PCDHGB2: variants seen among roughly 807,000 people sequenced by gnomAD.
The protein encoded by PCDHGB2 is protocadherin gamma subfamily B, 2.
Under a neutral mutation model 59.3 loss-of-function variants are expected in PCDHGB2, and 55 were observed. That is an observed-to-expected ratio of 0.93 (90% CI 0.75 to 1.16). The LOEUF (loss-of-function observed/expected upper bound fraction) is 1.16. Ranked by LOEUF, PCDHGB2 falls within the 50% of genes most tolerant of loss-of-function variation. PCDHGB2 has a pLI of 0.00. For missense variants in PCDHGB2, 1,228 were observed against 1,198.5 expected (o/e 1.02, Z -0.36); for synonymous variants, 516 against 512.0 (o/e 1.01, Z -0.11).
In PCDHGB2 at chr5:141,362,397, G is replaced by C. The variant is rs778703789; in HGVS notation, c.2262G>C (p.Leu754=). 4.3e-6 allele frequency: 7 copies of C among 1,614,018 alleles called. No homozygotes were observed. The highest frequency in any genetic ancestry group is 5.9e-6 in the Non-Finnish European group (7 of 1,179,910). The change falls in exon 1 of 4, where the codon CTG becomes CTC. Residue 754 remains leucine, a synonymous_variant. Transcript: ENST00000522605. ...SEGTLPYSYN[L]CVASQSAKTE... ...GTACATTGCCCTATTCCTACAACCT[G>C]TGTGTTGCCTCACAATCAGCCAAGA...
chr5:141,415,605 G>GGT, intron 1 of PCDHGB2: 1 of 1,613,122 alleles, frequency 6.2e-7, no homozygotes. Context: ...ATACCCCATT[G>GGT]GTTCCAGTGA....
At chr5:141,377,605 C>T (rs572021306) in intron 1 of PCDHGB2, 1 of 140,680 alleles carries the variant, frequency 7.1e-6, no homozygotes, top group Admixed American at 7.1e-5. Context: ...CTCTCTCTCT[C>T]AAAAAAAAAA....
chr5:141,389,628 C>T (rs2091851910), intron 1 of PCDHGB2: 1 of 1,613,000 alleles, frequency 6.2e-7, no homozygotes, highest in Non-Finnish European at 8.5e-7. Context: ...CGCTGCAGAG[C>T]CTGGCTACTT....
At chr5:141,510,900 G>A in intron 3 of PCDHGB2, 47 bp from the exon 4 acceptor site, 6 of 1,613,378 alleles carry the variant, frequency 3.7e-6, no homozygotes, top group Non-Finnish European at 5.1e-6. Context: ...AGTGACTGTT[G>A]AGGACCCTAA....
At chr5:141,461,278 C>T (rs2099012353) in intron 1 of PCDHGB2, among the ~76,000 whole-genome samples, 1 of 152,086 alleles carries the variant, frequency 6.6e-6, no homozygotes, top group South Asian at 2.1e-4. Context: ...GTTCTCTTTT[C>T]CCCACATCCA....
At chr5:141,374,094 C>T (rs544125570) in intron 1 of PCDHGB2, 19 of 1,555,744 alleles carry the variant, frequency 1.2e-5, no homozygotes, top group Non-Finnish European at 1.7e-5. Flanking sequence ...ATGGCGCCTC[C>T]GCAGAGGCAT....
At chr5:141,394,430 C>T (rs2150569215) in intron 1 of PCDHGB2, 1 of 1,614,244 alleles carries the variant, frequency 6.2e-7, no homozygotes, top group African/African-American at 1.3e-5. Context: ...ACAGCGGGGA[C>T]CCGCCCCTCA....
At chr5:141,510,860 G>A (rs1274817106) in intron 3 of PCDHGB2, 87 bp from the exon 4 acceptor site, 11 of 1,606,558 alleles carry the variant, frequency 6.8e-6, no homozygotes, top group South Asian at 4.4e-5. Context: ...GTGCTGTATA[G>A]GCATTCATTA....
chr5:141,387,840 C>T, intron 1 of PCDHGB2: 2 of 1,597,864 alleles, frequency 1.3e-6, no homozygotes, highest in Non-Finnish European at 1.7e-6. Context: ...TTATTTGTAA[C>T]CCGGCGTCTC....
intron 1 of PCDHGB2, chr5:141,427,983 C>T (rs1390934748): frequency 1.3e-6 from 2 of 1,596,840 alleles, no homozygotes; most frequent in Admixed American, 1.7e-5. Flanking sequence ...CGCGCTGGGG[C>T]CCGATGGCTC....
Position 141,362,012 on chromosome 5 carries a change from T to A in PCDHGB2, c.1877T>A (p.Val626Glu), listed in dbSNP as rs1228364834. 3.7e-6 allele frequency: 6 copies of A among 1,605,660 alleles called. No homozygotes were observed. In the Admixed American group the frequency reaches 6.7e-5, roughly 18 times the overall value. The change falls in exon 1 of 4, where the codon GTG (valine) becomes GAG (glutamate). Residue 626 changes from valine (V) to glutamate (E), a missense_variant. Val to Glu is a moderately radical substitution (Grantham distance 121). Around this residue, in one of 3 missense-constraint regions of PCDHGB2, gnomAD observed 433 missense variants for 441.8 expected, o/e 0.98. Coordinates refer to ENST00000522605, the MANE Select transcript of PCDHGB2 (RefSeq NM_018923.3). ...AGCCTGGGGTTGCGCACGGGTGAGG[T>A]GCGCACAGCGCGTGCCTTGGGCGAC... ...LFSLGLRTGE[V>E]RTARALGDRD...
At chr5:141,408,619 T>C in intron 1 of PCDHGB2, 1 of 1,613,974 alleles carries the variant, frequency 6.2e-7, no homozygotes, top group South Asian at 1.1e-5. Context: ...AGGAAATACA[T>C]TTAGAAATTT....
chr5:141,389,233 T>C (rs1374129511), intron 1 of PCDHGB2: 1 of 1,613,926 alleles, frequency 6.2e-7, no homozygotes, highest in Non-Finnish European at 8.5e-7. Context: ...GCTCCGGTTT[T>C]CTCACAGTCT....
intron 1 of PCDHGB2, among the ~76,000 whole-genome samples, chr5:141,482,329 T>C (rs1334833454): frequency 6.6e-6 from 1 of 152,160 alleles, no homozygotes; most frequent in Non-Finnish European, 1.5e-5. Context: ...ATAAAGAGAA[T>C]ATCTACTTTG....
intron 1 of PCDHGB2, chr5:141,398,485 A>G: frequency 6.2e-7 from 1 of 1,608,602 alleles, no homozygotes; most frequent in Non-Finnish European, 8.5e-7. Context: ...TTATCACGTG[A>G]ATGTGGAGAT....
intron 1 of PCDHGB2, chr5:141,423,971 G>T: frequency 8.8e-7 from 1 of 1,136,014 alleles, no homozygotes; most frequent in Non-Finnish European, 1.1e-6. Context: ...TCTATTATCA[G>T]TGTATGAGGC....
intron 1 of PCDHGB2, chr5:141,364,259 C>CA: frequency 6.7e-7 from 1 of 1,498,884 alleles, no homozygotes; most frequent in Non-Finnish European, 8.9e-7. Flanking sequence ...AATATGTACC[C>CA]ATCGGCTTTA....
rs777537045 is a variant in PCDHGB2 at position 141,490,191 on chromosome 5, A to T, written c.2422-4616A>T. The T allele has an allele frequency of 6.2e-7, 1 of 1,614,176 alleles. No homozygotes were observed. The highest frequency in any genetic ancestry group is 1.1e-5 in the South Asian group (1 of 91,082). On this transcript the variant is annotated intron_variant, in intron 1 of 3. Coordinates refer to ENST00000522605, the MANE Select transcript of PCDHGB2 (RefSeq NM_018923.3). The surrounding 1 kb of genome is among the most constrained non-coding windows in gnomAD (Gnocchi z 5.4). ...ACTTTGAGGAGTCACGTTTCTATGA[A>T]ATTCATGCAAGAGCCCGTGACCAGG...
chr5:141,472,980 CA>C (rs60579131), intron 1 of PCDHGB2, among the ~76,000 whole-genome samples: 39,687 of 85,940 alleles, frequency 0.46, 5,633 homozygotes, highest in African/African-American at 0.56. Flanking sequence ...GAGTGAAACT[CA>C]AAAAAAAAAA....
Sources: allele counts gnomAD v4.1 joint callset (sites outside exome capture counted in the v4.1 genomes callset), GRCh38; gene constraint gnomAD v4.1.1; regional missense constraint gnomAD v4.1.1; non-coding constraint Gnocchi (gnomAD v3.1); transcripts MANE v1.5; gene names NCBI Gene and HGNC (gene_info 2026-07-23, HGNC 2026-07-21).